The following CTNNA2 variants were observed in gnomAD, a reference collection of about 807,000 sequenced individuals.
CTNNA2 encodes catenin alpha-2.
In CTNNA2, 42 loss-of-function variants were observed where a neutral mutation model predicts 101.0. The observed-to-expected ratio is 0.42, with a 90% CI of 0.32 to 0.54. The LOEUF (loss-of-function observed/expected upper bound fraction) is 0.54. Ranked by LOEUF, CTNNA2 falls within the 20% of genes least tolerant of loss-of-function variation. The pLI is 0.14. For synonymous variants in CTNNA2, 450 were observed against 456.4 expected (o/e 0.99, Z 0.18); for missense variants, 871 against 1,223.1 (o/e 0.71, Z 4.29).
At chr2:80,637,143 A>AT (rs1414632110) in intron 18 of CTNNA2, among the ~76,000 whole-genome samples, 1 of 152,158 alleles carries the variant, frequency 6.6e-6, no homozygotes, top group East Asian at 1.9e-4. Flanking sequence ...AGAAACATAA[A>AT]TTTTTTAAGA....
At chr2:79,723,412 G>C (rs1686611728) in intron 2 of CTNNA2, among the ~76,000 whole-genome samples, 1 of 152,162 alleles carries the variant, frequency 6.6e-6, no homozygotes, top group South Asian at 2.1e-4. Context: ...AAACATGCTT[G>C]ATACATGTTA....
At chr2:80,085,219 TCA>T (rs1699367594) in intron 7 of CTNNA2, among the ~76,000 whole-genome samples, 3 of 152,102 alleles carry the variant, frequency 2.0e-5, no homozygotes, top group Admixed American at 2.0e-4. Flanking sequence ...GCTCTGCTCA[TCA>T]CAGTTGCTCA....
chr2:79,851,737 C>CTTTTTTTTTTTTTTTTT (rs11399192), intron 3 of CTNNA2, among the ~76,000 whole-genome samples: 5 of 87,126 alleles, frequency 5.7e-5, no homozygotes, highest in African/African-American at 1.4e-4. Context: ...TTTTCTTTTC[C>CTTTTTTTTTTTTTTTTT]TTTTTTTTTT....
At chr2:79,846,558 C>T (rs1421460517) in intron 3 of CTNNA2, among the ~76,000 whole-genome samples, 1 of 152,160 alleles carries the variant, frequency 6.6e-6, no homozygotes, top group Non-Finnish European at 1.5e-5. Context: ...ACAAAGGCTT[C>T]AACTATATGG....
intron 9 of CTNNA2, among the ~76,000 whole-genome samples, chr2:80,425,657 A>G (rs966146163): frequency 2.0e-5 from 3 of 152,004 alleles, no homozygotes; most frequent in African/African-American, 7.3e-5. Context: ...GTCCTTCAAC[A>G]TTTTTCTTGA....
chr2:79,805,596 AT>A (rs1676509658), intron 3 of CTNNA2, among the ~76,000 whole-genome samples: 1 of 151,922 alleles, frequency 6.6e-6, no homozygotes, highest in Non-Finnish European at 1.5e-5. Context: ...TCAGAAGGTA[AT>A]TTTGGCTGTG....
intron 1 of CTNNA2, among the ~76,000 whole-genome samples, chr2:79,574,898 A>C (rs1254422437): frequency 6.6e-6 from 1 of 152,110 alleles, no homozygotes; most frequent in African/African-American, 2.4e-5. Context: ...CTTTGTAATA[A>C]TAGCCATTCT....
chr2:80,506,117 A>C (rs1688257070), intron 9 of CTNNA2, among the ~76,000 whole-genome samples: 1 of 152,202 alleles, frequency 6.6e-6, no homozygotes, highest in African/African-American at 2.4e-5. Context: ...GATACAGTGC[A>C]TGAGCTATTT....
At chr2:79,924,143 A>C (rs1004023370) in intron 7 of CTNNA2, among the ~76,000 whole-genome samples, 2 of 152,164 alleles carry the variant, frequency 1.3e-5, no homozygotes, top group Admixed American at 1.3e-4. Context: ...TTTAAAAAAA[A>C]GGAAATTCTG....
intron 7 of CTNNA2, among the ~76,000 whole-genome samples, chr2:79,935,099 T>C (rs1461388819): frequency 2.0e-5 from 3 of 152,152 alleles, no homozygotes; most frequent in Admixed American, 2.0e-4. Context: ...TAATGAATAA[T>C]AACAACAATG....
rs1674315357 is a variant in CTNNA2 at position 80,648,183 on chromosome 2, TAACTCTACAAAAGCAAACTC to T, written c.*312_*331del. 5.0e-6 allele frequency: 1 copy of T among 198,140 alleles called. No individual in the cohort carries two copies. Among genetic ancestry groups the T allele is most frequent in the Non-Finnish European group, 1.0e-5 (1 of 97,218 alleles). The allele number at this position is 198,140 out of a possible 1,614,324, so 12.3% of individuals were successfully genotyped here. ...GTGGGAGGGATGGGGAAAATAAACTTAACTCTACAAAAGCAAACTCTAATGCATGCAAGAATCATTAGGTT... is the reference window on the plus strand; with the variant it reads ...GTGGGAGGGATGGGGAAAATAAACTTTAATGCATGCAAGAATCATTAGGTT... On this transcript the variant is annotated 3_prime_UTR_variant, in exon 19 of 19. Transcript: ENST00000402739.
chr2:79,632,546 G>A (rs571737579), intron 1 of CTNNA2, among the ~76,000 whole-genome samples: 23 of 152,332 alleles, frequency 1.5e-4, no homozygotes, highest in African/African-American at 5.3e-4. Flanking sequence ...TTCCATGGTA[G>A]TAGGTATAAT....
intron 7 of CTNNA2, among the ~76,000 whole-genome samples, chr2:80,348,590 G>C (rs143414749): frequency 6.6e-6 from 1 of 152,080 alleles, no homozygotes; most frequent in African/African-American, 2.4e-5. Flanking sequence ...CTGGAAAAAC[G>C]TAGCTGTGTA....
At chr2:80,347,927 A>C (rs1369428955) in intron 7 of CTNNA2, among the ~76,000 whole-genome samples, 1 of 150,272 alleles carries the variant, frequency 6.7e-6, no homozygotes, top group Non-Finnish European at 1.5e-5. Flanking sequence ...GGAGTTTTTA[A>C]AATACTGATT....
intron 2 of CTNNA2, among the ~76,000 whole-genome samples, chr2:79,729,051 A>T (rs188405415): frequency 6.6e-6 from 1 of 152,284 alleles, no homozygotes; most frequent in Non-Finnish European, 1.5e-5. Flanking sequence ...AGGAGTCAAG[A>T]ATTTTATTTT....
At chr2:79,734,648 T>A (rs1347591318) in intron 2 of CTNNA2, among the ~76,000 whole-genome samples, 1 of 152,096 alleles carries the variant, frequency 6.6e-6, no homozygotes, top group African/African-American at 2.4e-5. Flanking sequence ...GAAAGCAAGA[T>A]GAATGTAGCA....
chr2:80,281,808 CTATA>C (rs1674405076), intron 7 of CTNNA2, among the ~76,000 whole-genome samples: 1 of 151,760 alleles, frequency 6.6e-6, no homozygotes, highest in South Asian at 2.1e-4. Flanking sequence ...TTGATAAAGG[CTATA>C]TAGTTTTTAA....
At chr2:80,483,554 G>T (rs1460485221) in intron 9 of CTNNA2, among the ~76,000 whole-genome samples, 2 of 152,080 alleles carry the variant, frequency 1.3e-5, no homozygotes, top group African/African-American at 4.8e-5. Flanking sequence ...TGTAAAGTCA[G>T]AGTTCCTGTC....
At chr2:80,417,017 C>T (rs890406911) in intron 8 of CTNNA2, among the ~76,000 whole-genome samples, 19 of 151,828 alleles carry the variant, frequency 1.3e-4, no homozygotes, top group Non-Finnish European at 5.9e-5. Flanking sequence ...GCAGTTTTTT[C>T]CCCCTCGTTT....
Sources: allele counts gnomAD v4.1 joint callset (sites outside exome capture counted in the v4.1 genomes callset), GRCh38; gene constraint gnomAD v4.1.1; transcripts MANE v1.5; gene names NCBI Gene and HGNC (gene_info 2026-07-23, HGNC 2026-07-21).